GON4L: variants seen among roughly 807,000 people sequenced by gnomAD.
GON4L encodes the protein GON-4-like protein.
A neutral mutation model predicts 211.8 loss-of-function variants in GON4L; 87 were observed. That is an observed-to-expected ratio of 0.41 (90% confidence interval 0.35 to 0.49). GON4L has a LOEUF of 0.49. Ranked by LOEUF, GON4L falls within the 20% of genes least tolerant of loss-of-function variation. The pLI, the probability that GON4L is intolerant of heterozygous loss-of-function variation, is 0.15. For missense variants in GON4L, 2,155 were observed against 2,659.5 expected (o/e 0.81, Z 4.17); for synonymous variants, 875 against 962.6 (o/e 0.91, Z 1.68).
chr1:155,771,756 T>C (rs1371995095), intron 18 of GON4L, among the ~76,000 whole-genome samples: 1 of 152,096 alleles, frequency 6.6e-6, no homozygotes, highest in Non-Finnish European at 1.5e-5. Context: ...GGTATTACAG[T>C]TGTAAGCCCA....
intron 12 of GON4L, among the ~76,000 whole-genome samples, chr1:155,793,258 A>G (rs1665776369): frequency 1.3e-5 from 2 of 152,222 alleles, no homozygotes; most frequent in South Asian, 4.1e-4. Context: ...AAAATAAATG[A>G]AAGATCTTCA....
intron 2 of GON4L, among the ~76,000 whole-genome samples, chr1:155,844,583 G>C (rs1226879411): frequency 6.7e-6 from 1 of 150,042 alleles, no homozygotes; most frequent in East Asian, 1.9e-4. Context: ...TAGTGAGACT[G>C]TGTCTCTATA....
At chr1:155,823,348 G>C (rs779469021) in intron 3 of GON4L, among the ~76,000 whole-genome samples, 6 of 152,068 alleles carry the variant, frequency 3.9e-5, no homozygotes, top group Admixed American at 6.6e-5. Context: ...AATAGAGATA[G>C]GAAAAAGCAT....
At chr1:155,799,999 G>A (rs900920738) in intron 11 of GON4L, among the ~76,000 whole-genome samples, 15 of 151,998 alleles carry the variant, frequency 9.9e-5, no homozygotes, top group African/African-American at 3.6e-4. Context: ...TTGGAAGTTC[G>A]AGACCAGCGT....
At chr1:155,764,589 G>A (rs373103970) in intron 21 of GON4L, 26 of 386,998 alleles carry the variant, frequency 6.7e-5, no homozygotes, top group Middle Eastern at 8.3e-4. Flanking sequence ...ACAGGTGTCC[G>A]CCACCATGCC....
intron 17 of GON4L, among the ~76,000 whole-genome samples, chr1:155,774,451 G>A (rs1458312806): frequency 6.6e-6 from 1 of 152,002 alleles, no homozygotes; most frequent in Non-Finnish European, 1.5e-5. Context: ...TGGGACTACA[G>A]GCGCGTGCCC....
At chr1:155,784,199 G>T in intron 13 of GON4L, 110 bp from the exon 14 acceptor site, 1 of 1,445,380 alleles carries the variant, frequency 6.9e-7, no homozygotes, top group Non-Finnish European at 9.6e-7. Flanking sequence ...TAATAATGCT[G>T]GCACCCAGAA....
chr1:155,834,416 GAGA>G (rs1228153285), intron 2 of GON4L, among the ~76,000 whole-genome samples: 2 of 151,992 alleles, frequency 1.3e-5, no homozygotes, highest in African/African-American at 2.4e-5. Context: ...TGTTTCCATG[GAGA>G]AGAACCATGA....
intron 4 of GON4L, among the ~76,000 whole-genome samples, chr1:155,821,986 T>A (rs1668780144): frequency 6.6e-6 from 1 of 152,206 alleles, no homozygotes; most frequent in African/African-American, 2.4e-5. Context: ...AAACCCACTA[T>A]GAACATTATC....
rs1038067499 is a variant in GON4L at position 155,777,791 on chromosome 1, T to C, written c.1922A>G (p.Asn641Ser). 6.2e-7 allele frequency: 1 copy of C among 1,613,400 alleles called. No homozygotes were observed. The highest frequency in any genetic ancestry group is 1.3e-5 in the African/African-American group (1 of 75,048). The change falls in exon 15 of 32, where the codon AAT becomes AGT. Residue 641 changes from asparagine (N) to serine (S), a missense_variant. Coordinates refer to ENST00000368331, the MANE Select transcript of GON4L (RefSeq NM_001282860.2). ...CTCCTTCACTGTCCGATGTTGTTCA[T>C]TTAACAGGTTGGCCAGTGGTTCCTC... ...RFEEPLANLLNEQHRTVKELF... is the reference protein window; with the variant it reads ...RFEEPLANLLSEQHRTVKELF...
rs368319624 is a variant in GON4L at position 155,750,533 on chromosome 1, G to A, written c.*51C>T. 39 of 1,535,482 alleles carry A rather than the reference G, an allele frequency of 2.5e-5. No individual in the cohort carries two copies. The highest frequency in any genetic ancestry group is 1.2e-4 in the South Asian group (11 of 88,878). On this transcript the variant is annotated 3_prime_UTR_variant, in exon 32 of 32. Coordinates refer to ENST00000368331, the MANE Select transcript of GON4L (RefSeq NM_001282860.2). ...AGCAGAGTACAACTACCCCCTCCCC[G>A]GTGCCAGGGCGCCTGTTGGGTTTGG...
chr1:155,809,992 TTA>T (rs376035223), intron 10 of GON4L, among the ~76,000 whole-genome samples: 6,869 of 11,700 alleles, frequency 0.59, 2,517 homozygotes, highest in South Asian at 0.86. Flanking sequence ...ATATATATAA[TTA>T]TATATATATA....
At chr1:155,779,558 A>G (rs1313050003) in intron 14 of GON4L, among the ~76,000 whole-genome samples, 1 of 151,980 alleles carries the variant, frequency 6.6e-6, no homozygotes, top group African/African-American at 2.4e-5. Flanking sequence ...CTCATGATCC[A>G]CCTGCCTCGG....
At chr1:155,757,853 G>A (rs1190479943) in intron 25 of GON4L, 38 bp downstream of exon 25, 10 of 218,412 alleles carry the variant, frequency 4.6e-5, no homozygotes, top group South Asian at 1.4e-4. Context: ...CCTAAGGCCC[G>A]GAAGACAACA....
In GON4L at chr1:155,757,987, C is replaced by T; in HGVS notation, c.5157G>A (p.Gln1719=). 3 of 466,218 alleles carry T rather than the reference C, an allele frequency of 6.4e-6. No individual in the cohort carries two copies. The Middle Eastern group carries it at 1.6e-3, about 242-fold the overall frequency. 28.9% of individuals were successfully genotyped at this position (466,218 alleles called of 1,614,324 possible). Residue 1719 remains glutamine (Q), a synonymous_variant, in exon 25 of 32, where the codon CAG becomes CAA. Transcript: ENST00000368331. ...GGTTCTCTGCAAAGCAAATCTCCAG[C>T]TGCCGAAGGAACTTGCGGCTCTTCT... ...AFEKSRKFLR[Q]LEICFAENPS...
At chr1:155,746,662 C>CAT (rs1660259405), downstream of GON4L, 1 of 713,528 alleles carries the variant, frequency 1.4e-6, no homozygotes, top group Non-Finnish European at 2.2e-6. Context: ...TCTACAGGGA[C>CAT]AAACAGTTGG....
chr1:155,809,992 T>TTATATATATATA (rs376035223), intron 10 of GON4L, among the ~76,000 whole-genome samples: 2 of 11,686 alleles, frequency 1.7e-4, no homozygotes, highest in African/African-American at 2.3e-4. Context: ...ATATATATAA[T>TTATATATATATA]TATATATATA....
At chr1:155,759,311 C>T (rs1176060404) in intron 24 of GON4L, among the ~76,000 whole-genome samples, 1 of 152,130 alleles carries the variant, frequency 6.6e-6, no homozygotes, top group African/African-American at 2.4e-5. Context: ...GTGGCTCACA[C>T]CTGTAATCCC....
chr1:155,811,263 G>A (rs1466554092), intron 10 of GON4L, among the ~76,000 whole-genome samples: 1 of 150,554 alleles, frequency 6.6e-6, no homozygotes, highest in Non-Finnish European at 1.5e-5. Flanking sequence ...CATGGTGCGG[G>A]CGCCTGTAGT....
Sources: gnomAD v4.1 joint callset for allele counts (sites outside exome capture counted in the v4.1 genomes callset) on GRCh38, gnomAD v4.1.1 for gene constraint, MANE v1.5 for transcripts, NCBI Gene and HGNC (gene_info 2026-07-23, HGNC 2026-07-21) for gene names.